Variants in GABRB1 observed in about 807,000 individuals in gnomAD.
GABRB1 encodes gamma-aminobutyric acid receptor subunit beta-1.
Under a neutral mutation model 51.6 loss-of-function variants are expected in GABRB1, and 17 were observed. The observed-to-expected ratio is 0.33, with a 90% CI of 0.23 to 0.49. The LOEUF (loss-of-function observed/expected upper bound fraction) is 0.49, where lower values mean the gene tolerates loss of function less well. Among genes scored for constraint, GABRB1 ranks in the 20% least tolerant of loss-of-function variants. GABRB1 has a pLI of 0.99. For missense variants in GABRB1, 410 were observed against 600.6 expected (o/e 0.68, Z 3.32); for synonymous variants, 247 against 218.9 (o/e 1.13, Z -1.14).
intron 4 of GABRB1, among the ~76,000 whole-genome samples, chr4:47,250,958 A>G (rs1227455227): frequency 2.0e-5 from 3 of 151,468 alleles, no homozygotes; most frequent in African/African-American, 7.3e-5. Flanking sequence ...TAAATCAGGT[A>G]TTTCTTGGTT....
intron 3 of GABRB1, among the ~76,000 whole-genome samples, chr4:47,126,907 A>G (rs1000652516): frequency 3.3e-5 from 5 of 152,144 alleles, no homozygotes; most frequent in South Asian, 4.1e-4. Flanking sequence ...TACCTGAATG[A>G]TATATGCATA....
intron 3 of GABRB1, among the ~76,000 whole-genome samples, chr4:47,102,348 A>G (rs1001282200): frequency 2.6e-5 from 4 of 152,068 alleles, no homozygotes; most frequent in African/African-American, 9.7e-5. Context: ...AGAGGCATGT[A>G]TCTGAGGATC....
intron 4 of GABRB1, among the ~76,000 whole-genome samples, chr4:47,316,682 G>A (rs1309879951): frequency 6.6e-6 from 1 of 151,842 alleles, no homozygotes; most frequent in Non-Finnish European, 1.5e-5. Context: ...ACAATTTATG[G>A]GTGTTCCTAA....
At chr4:47,182,037 A>G (rs1718970637) in intron 4 of GABRB1, among the ~76,000 whole-genome samples, 1 of 152,036 alleles carries the variant, frequency 6.6e-6, no homozygotes. Flanking sequence ...CAGCAACTTA[A>G]CACAGACACA....
At position 47,326,098 on chromosome 4, in the gene GABRB1, C is replaced by T. The variant is rs191122001; in HGVS notation, c.544+5889C>T. Among the ~76,000 whole-genome samples the T allele has an allele frequency of 2.2e-4, 33 of 152,330 alleles. 1 individual carries two copies. The East Asian group carries it at 6.2e-3, about 29-fold the overall frequency. On this transcript the variant is annotated intron_variant, in intron 5 of 8. Coordinates refer to ENST00000295454, the MANE Select transcript of GABRB1 (RefSeq NM_000812.4). The stretch of plus-strand genomic sequence containing the variant: ...TGATGAAATCGCCTACGATCCTGCT[C>T]TGTCCTGACTGGGGCATAAATCATC...
chr4:47,383,545 T>C (rs903914317), intron 5 of GABRB1, among the ~76,000 whole-genome samples: 4 of 152,300 alleles, frequency 2.6e-5, no homozygotes, highest in African/African-American at 9.6e-5. Flanking sequence ...AATTAAATTC[T>C]GATCTGATAT....
intron 3 of GABRB1, among the ~76,000 whole-genome samples, chr4:47,117,479 C>T (rs909743608): frequency 6.6e-6 from 1 of 152,062 alleles, no homozygotes; most frequent in Non-Finnish European, 1.5e-5. Context: ...AAACATTCCT[C>T]CAATATCAAT....
At chr4:47,097,788 G>T (rs10014305) in intron 3 of GABRB1, among the ~76,000 whole-genome samples, 2,267 of 152,186 alleles carry the variant, frequency 0.015, 49 homozygotes, top group African/African-American at 0.052. Flanking sequence ...TATTCAACCT[G>T]ACCTAGGTAT....
intron 3 of GABRB1, among the ~76,000 whole-genome samples, chr4:47,122,026 T>C (rs1274189831): frequency 6.6e-6 from 1 of 152,218 alleles, no homozygotes; most frequent in East Asian, 1.9e-4. Context: ...TCCATTTCCA[T>C]GATATCTATA....
chr4:47,030,309 G>T (rs951438661), upstream of GABRB1, among the ~76,000 whole-genome samples: 17 of 151,900 alleles, frequency 1.1e-4, no homozygotes, highest in African/African-American at 4.1e-4. Flanking sequence ...TTTCTATTAC[G>T]TTTTTTTGTT....
chr4:47,041,211 A>C (rs2109488073), intron 3 of GABRB1, among the ~76,000 whole-genome samples: 1 of 152,272 alleles, frequency 6.6e-6, no homozygotes, highest in South Asian at 2.1e-4. Flanking sequence ...GGAAATTAAA[A>C]AGTGACTCTC....
chr4:47,167,705 G>A (rs1377854076), intron 4 of GABRB1, among the ~76,000 whole-genome samples: 1 of 152,072 alleles, frequency 6.6e-6, no homozygotes, highest in South Asian at 2.1e-4. Flanking sequence ...CCTTGCAAAT[G>A]GACTAAAGCT....
At chr4:47,238,562 A>G (rs981040292) in intron 4 of GABRB1, among the ~76,000 whole-genome samples, 1 of 152,170 alleles carries the variant, frequency 6.6e-6, no homozygotes, top group Non-Finnish European at 1.5e-5. Flanking sequence ...TTGGCATTCA[A>G]ACATGCTCGG....
chr4:47,182,664 C>T (rs934267930), intron 4 of GABRB1, among the ~76,000 whole-genome samples: 2 of 151,842 alleles, frequency 1.3e-5, no homozygotes, highest in Non-Finnish European at 2.9e-5. Context: ...TCTTCTCATC[C>T]AAAATCTCTC....
intron 4 of GABRB1, among the ~76,000 whole-genome samples, chr4:47,180,684 G>T (rs1718905759): frequency 6.6e-6 from 1 of 151,838 alleles, no homozygotes; most frequent in South Asian, 2.1e-4. Flanking sequence ...GTACAGTTTT[G>T]AACGGGAGTT....
chr4:47,038,696 G>C (rs1725702240), intron 3 of GABRB1, among the ~76,000 whole-genome samples: 1 of 152,082 alleles, frequency 6.6e-6, no homozygotes, highest in African/African-American at 2.4e-5. Flanking sequence ...TTTTGCCTTG[G>C]CAAGCCCCCA....
chr4:47,291,078 C>T (rs1217965584), intron 4 of GABRB1, among the ~76,000 whole-genome samples: 3 of 152,168 alleles, frequency 2.0e-5, no homozygotes, highest in Non-Finnish European at 4.4e-5. Flanking sequence ...CCATCAAGGG[C>T]TAGGAGGCCT....
chr4:47,376,862 T>G (rs911750510), intron 5 of GABRB1, among the ~76,000 whole-genome samples: 1 of 152,214 alleles, frequency 6.6e-6, no homozygotes, highest in Non-Finnish European at 1.5e-5. Context: ...TAGTAAGGAT[T>G]TATTAGAATA....
At chr4:47,283,708 G>A (rs910029489) in intron 4 of GABRB1, among the ~76,000 whole-genome samples, 3 of 151,606 alleles carry the variant, frequency 2.0e-5, no homozygotes, top group Non-Finnish European at 4.4e-5. Flanking sequence ...ACTTTTTAGG[G>A]GACTTAAGAA....
Sources: gnomAD v4.1 joint callset for allele counts (sites outside exome capture counted in the v4.1 genomes callset) on GRCh38, gnomAD v4.1.1 for gene constraint, MANE v1.5 for transcripts, NCBI Gene and HGNC (gene_info 2026-07-23, HGNC 2026-07-21) for gene names.